Variants in DLG2 observed in about 807,000 individuals in gnomAD.
DLG2 encodes the protein disks large homolog 2.
Under a neutral mutation model 132.5 loss-of-function variants are expected in DLG2, and 45 were observed. The ratio of observed to expected loss-of-function variants is 0.34; its 90% CI spans 0.27 to 0.44. The LOEUF is 0.44. DLG2 is among the 20% of genes least tolerant of loss of function. The pLI, the probability that DLG2 is intolerant of heterozygous loss-of-function variation, is 1.00. For synonymous variants in DLG2, 424 were observed against 419.6 expected (o/e 1.01, Z -0.13); for missense variants, 1,045 against 1,196.9 (o/e 0.87, Z 1.87).
chr11:85,201,370 C>A (rs1275193251), intron 4 of DLG2, among the ~76,000 whole-genome samples: 1 of 152,168 alleles, frequency 6.6e-6, no homozygotes, highest in African/African-American at 2.4e-5. Context: ...AAGACCCATG[C>A]TGCCTGTGCT....
intron 6 of DLG2, among the ~76,000 whole-genome samples, chr11:85,027,578 C>T (rs893478828): frequency 3.3e-5 from 5 of 152,176 alleles, no homozygotes; most frequent in Non-Finnish European, 7.4e-5. Flanking sequence ...AGTGTATGAG[C>T]GAATGAGCAT....
At chr11:85,001,043 A>G (rs1037696756) in intron 6 of DLG2, among the ~76,000 whole-genome samples, 3 of 152,094 alleles carry the variant, frequency 2.0e-5, no homozygotes, top group African/African-American at 7.2e-5. Context: ...CCCTTAATAC[A>G]AGACAGCAAG....
At chr11:84,746,273 A>T (rs1262137040) in intron 6 of DLG2, among the ~76,000 whole-genome samples, 2 of 152,016 alleles carry the variant, frequency 1.3e-5, no homozygotes, top group Non-Finnish European at 2.9e-5. Flanking sequence ...AAAGAAAAGA[A>T]AAGATCAGCC....
At chr11:84,732,478 C>T (rs1199592486) in intron 6 of DLG2, among the ~76,000 whole-genome samples, 3 of 151,764 alleles carry the variant, frequency 2.0e-5, no homozygotes, top group Admixed American at 6.6e-5. Flanking sequence ...TGTAATAGTA[C>T]CTCATTATAG....
In DLG2 at chr11:84,238,237, A is replaced by G. The variant is rs371484038; in HGVS notation, c.573+13001T>C. On this transcript the variant is annotated intron_variant, in intron 8 of 27. Coordinates refer to ENST00000376104, the MANE Select transcript of DLG2 (RefSeq NM_001142699.3). ...GTCAATTTAAAAGCCCAGCAAGGCC[A>G]GGCATGGAGGCTTACACCTGTCATT... Among the ~76,000 whole-genome samples, 5 of 152,160 alleles carry G rather than the reference A, an allele frequency of 3.3e-5. No homozygotes were observed. The South Asian group carries it at 6.2e-4, about 19-fold the overall frequency.
At chr11:83,640,294 T>G (rs1191374623) in intron 18 of DLG2, among the ~76,000 whole-genome samples, 1 of 152,192 alleles carries the variant, frequency 6.6e-6, no homozygotes, top group African/African-American at 2.4e-5. Flanking sequence ...AAAGGAAATT[T>G]GTGCTTTAGG....
intron 11 of DLG2, among the ~76,000 whole-genome samples, chr11:84,017,295 C>T (rs2095238275): frequency 6.6e-6 from 1 of 151,960 alleles, no homozygotes; most frequent in South Asian, 2.1e-4. Context: ...TACAAATTCA[C>T]AGATGATTAT....
At chr11:85,004,984 T>C (rs754429389) in intron 6 of DLG2, among the ~76,000 whole-genome samples, 19 of 152,232 alleles carry the variant, frequency 1.2e-4, no homozygotes, top group Non-Finnish European at 2.8e-4. Flanking sequence ...AAATAGGGAA[T>C]CCTTTCCCCA....
chr11:84,643,039 A>G (rs2099669906), intron 6 of DLG2, among the ~76,000 whole-genome samples: 2 of 152,148 alleles, frequency 1.3e-5, no homozygotes, highest in African/African-American at 4.8e-5. Context: ...TCTAAACTTA[A>G]TTCTACTCTA....
intron 21 of DLG2, among the ~76,000 whole-genome samples, chr11:83,488,993 G>A (rs955994264): frequency 3.9e-5 from 6 of 151,952 alleles, no homozygotes; most frequent in Non-Finnish European, 8.8e-5. Context: ...GTGAATGCAC[G>A]TATACATGTG....
intron 6 of DLG2, among the ~76,000 whole-genome samples, chr11:84,711,970 C>T (rs2060504468): frequency 6.6e-6 from 1 of 152,004 alleles, no homozygotes; most frequent in Non-Finnish European, 1.5e-5. Context: ...CCCCTAAAAT[C>T]CCTACAGTTT....
At chr11:84,856,206 C>T (rs1213367209) in intron 6 of DLG2, among the ~76,000 whole-genome samples, 1 of 152,076 alleles carries the variant, frequency 6.6e-6, no homozygotes, top group Non-Finnish European at 1.5e-5. Context: ...AAAAAACAGT[C>T]TTTTCAATAT....
intron 6 of DLG2, among the ~76,000 whole-genome samples, chr11:84,874,098 A>T (rs2085932990): frequency 6.6e-6 from 1 of 152,192 alleles, no homozygotes; most frequent in South Asian, 2.1e-4. Context: ...GATGAAAATT[A>T]TTGGTCTCAA....
chr11:84,024,377 A>G (rs1028382135), intron 11 of DLG2, among the ~76,000 whole-genome samples: 1 of 152,166 alleles, frequency 6.6e-6, no homozygotes, highest in Non-Finnish European at 1.5e-5. Flanking sequence ...AAAACTAAAA[A>G]CAGAATTATC....
At chr11:85,597,872 G>A (rs973326990) in intron 3 of DLG2, among the ~76,000 whole-genome samples, 52 of 150,630 alleles carry the variant, frequency 3.5e-4, no homozygotes, top group African/African-American at 1.2e-3. Flanking sequence ...TAATTGAGTG[G>A]GTTTTTCATT....
chr11:84,244,997 G>A (rs542756703), intron 8 of DLG2, among the ~76,000 whole-genome samples: 29 of 152,146 alleles, frequency 1.9e-4, no homozygotes, highest in Non-Finnish European at 3.7e-4. Flanking sequence ...ACAAGTGCTT[G>A]GTCACCTCAC....
chr11:84,562,112 T>C lies in DLG2; in HGVS notation c.358-27381A>G, dbSNP rs548911932. ...GTTACATGTTTACAATATCAAGCAA[T>C]GTATAATAGAATCAATGACCCTTGA... On this transcript the variant is annotated intron_variant, in intron 6 of 27. Coordinates refer to ENST00000376104, the MANE Select transcript of DLG2 (RefSeq NM_001142699.3). Among the ~76,000 whole-genome samples, 5 of 152,214 alleles carry C rather than the reference T, an allele frequency of 3.3e-5. No individual in the cohort carries two copies. In the South Asian group the frequency reaches 1.0e-3, roughly 32 times the overall value.
intron 19 of DLG2, among the ~76,000 whole-genome samples, chr11:83,578,071 T>C (rs191320429): frequency 0.026 from 2,305 of 90,344 alleles, 80 homozygotes; most frequent in African/African-American, 0.1. Context: ...CATATATATA[T>C]GTATACACAC....
In DLG2 at chr11:83,546,727, T is replaced by C. The variant is rs541677854; in HGVS notation, c.1941-4869A>G. 2.0e-5 allele frequency among the ~76,000 whole-genome samples: 3 copies of C among 152,108 alleles called. No individual in the cohort carries two copies. In the South Asian group the frequency reaches 6.2e-4, roughly 32 times the overall value. On this transcript the variant is annotated intron_variant, in intron 19 of 27. Transcript: ENST00000376104. The stretch of plus-strand genomic sequence containing the variant: ...TCTTGGAATTCCTGATAAGAAATGT[T>C]GTACTTAGATCTTATACCTAAGGAT...
Sources: gnomAD v4.1 joint callset for allele counts (sites outside exome capture counted in the v4.1 genomes callset) on GRCh38, gnomAD v4.1.1 for gene constraint, MANE v1.5 for transcripts, NCBI Gene and HGNC (gene_info 2026-07-23, HGNC 2026-07-21) for gene names.